DTNB: variants seen among roughly 807,000 people sequenced by gnomAD.
The protein encoded by DTNB is dystrobrevin beta, also known as DTN-B.
DTNB carries 63 observed loss-of-function variants against 90.7 expected under a neutral mutation model. The observed-to-expected ratio is 0.69, with a 90% confidence interval of 0.57 to 0.86. The LOEUF (loss-of-function observed/expected upper bound fraction) is 0.86. Ranked by LOEUF, DTNB falls within the 40% of genes least tolerant of loss-of-function variation. The probability of loss-of-function intolerance (pLI) is 0.00; values close to 1 mark genes in which losing one functional copy is unlikely to be tolerated. For synonymous variants in DTNB, 277 were observed against 286.7 expected, an observed-to-expected ratio of 0.97 and a Z score of 0.34; for missense variants, 744 against 807.1, an observed-to-expected ratio of 0.92 and a Z score of 0.95.
Position 25,484,202 on chromosome 2 carries a change from A to C in DTNB, c.1002-1329T>G, listed in dbSNP as rs546855477. On this transcript the variant is annotated intron_variant, in intron 9 of 20. Transcript: ENST00000406818. ...AACACAACACAAAATTGTCTAACAA[A>C]GCATTTCTCAGAATGCATCCCCCAT... 2.0e-5 allele frequency among the ~76,000 whole-genome samples: 3 copies of C among 152,370 alleles called. No individual in the cohort carries two copies. The South Asian group carries it at 6.2e-4, about 32-fold the overall frequency.
intron 5 of DTNB, among the ~76,000 whole-genome samples, chr2:25,603,298 G>A (rs950960595): frequency 1.3e-5 from 2 of 152,100 alleles, no homozygotes; most frequent in African/African-American, 4.8e-5. Context: ...TTGTTTCCTT[G>A]AGTTATATTT....
In DTNB at chr2:25,628,354, T is replaced by C; in HGVS notation, c.179A>G (p.Glu60Gly). Reference sequence around the variant, plus strand: ...ATTAAGGCCATTGTCTCGGAAGGCTTCAATCATGTTCCAGATATCAACAAG... The same window carrying C: ...ATTAAGGCCATTGTCTCGGAAGGCTCCAATCATGTTCCAGATATCAACAAG... ...LHLVDIWNMI[E>G]AFRDNGLNTL... Residue 60 changes from glutamate to glycine, a missense_variant, in exon 4 of 21, where the codon GAA (glutamate) becomes GGA (glycine). Coordinates refer to ENST00000406818, the MANE Select transcript of DTNB (RefSeq NM_021907.5). 6.2e-7 allele frequency: 1 copy of C among 1,613,442 alleles called. No individual in the cohort carries two copies. The highest frequency in any genetic ancestry group is 8.5e-7 in the Non-Finnish European group (1 of 1,179,754).
intron 5 of DTNB, among the ~76,000 whole-genome samples, chr2:25,603,396 A>C (rs2148477334): frequency 6.6e-6 from 1 of 152,332 alleles, no homozygotes; most frequent in African/African-American, 2.4e-5. Context: ...GAATCCTGAT[A>C]AAAGTTACCT....
intron 6 of DTNB, among the ~76,000 whole-genome samples, chr2:25,588,512 C>T (rs1356296020): frequency 6.6e-6 from 1 of 152,064 alleles, no homozygotes; most frequent in Non-Finnish European, 1.5e-5. Flanking sequence ...ACTACAGGCG[C>T]ACGCACCACG....
chr2:25,625,551 ATTTTTTT>A (rs66586812), intron 4 of DTNB, among the ~76,000 whole-genome samples: 2 of 73,946 alleles, frequency 2.7e-5, no homozygotes, highest in African/African-American at 1.1e-4. Flanking sequence ...TAACTCACTC[ATTTTTTT>A]TTTTTTTTTT....
intron 14 of DTNB, among the ~76,000 whole-genome samples, chr2:25,429,497 A>C (rs935518727): frequency 6.6e-6 from 1 of 152,096 alleles, no homozygotes; most frequent in Admixed American, 6.5e-5. Flanking sequence ...TTCATTCCGT[A>C]ATGTCTGACC....
chr2:25,496,884 T>C (rs1305635654), intron 9 of DTNB, among the ~76,000 whole-genome samples: 3 of 150,526 alleles, frequency 2.0e-5, no homozygotes, highest in East Asian at 3.9e-4. Flanking sequence ...GCCCATTTAA[T>C]AGAAACTCCC....
chr2:25,647,455 A>T (rs2079748792), intron 2 of DTNB, among the ~76,000 whole-genome samples: 1 of 152,270 alleles, frequency 6.6e-6, no homozygotes, highest in South Asian at 2.1e-4. Context: ...TACTCATGGA[A>T]TATTTGGAAA....
chr2:25,655,848 A>G (rs1434910289), intron 1 of DTNB, among the ~76,000 whole-genome samples: 1 of 152,136 alleles, frequency 6.6e-6, no homozygotes, highest in Non-Finnish European at 1.5e-5. Context: ...CACGCCTGTC[A>G]GGTAGATCTA....
chr2:25,431,924 C>T (rs187761827), intron 14 of DTNB, among the ~76,000 whole-genome samples: 3 of 152,150 alleles, frequency 2.0e-5, no homozygotes, highest in South Asian at 2.1e-4. Flanking sequence ...GAACGAAAAT[C>T]TCTATACATC....
chr2:25,553,741 CAA>C (rs1184090329), intron 8 of DTNB, among the ~76,000 whole-genome samples: 5 of 39,036 alleles, frequency 1.3e-4, no homozygotes, highest in East Asian at 1.4e-3. Context: ...AACTCCTTCT[CAA>C]AAAAAAAAAA....
intron 9 of DTNB, among the ~76,000 whole-genome samples, chr2:25,502,040 T>C (rs558684391): frequency 6.6e-6 from 1 of 151,994 alleles, no homozygotes; most frequent in Non-Finnish European, 1.5e-5. Flanking sequence ...AAAAATTAGC[T>C]GGGCATGGTG....
chr2:25,467,125 C>T (rs961547684), intron 10 of DTNB, among the ~76,000 whole-genome samples: 5 of 152,100 alleles, frequency 3.3e-5, no homozygotes, highest in African/African-American at 1.2e-4. Context: ...TTCATCTTCC[C>T]AATAATCAAG....
chr2:25,531,676 G>A (rs1369659490), intron 8 of DTNB, 79 bp from the exon 9 acceptor site: 2 of 1,520,736 alleles, frequency 1.3e-6, no homozygotes, highest in Non-Finnish European at 1.8e-6. Context: ...AAAACTTTGT[G>A]ACAAGAGTGT....
At position 25,552,468 on chromosome 2, in the gene DTNB, A is replaced by C. The variant is rs1366329909; in HGVS notation, c.877-20871T>G. ...ACCTCCATCACCATGCTACACTTCC[A>C]GCATTGCCCTGTCACTGGCCCTGGG... On this transcript the variant is annotated intron_variant, in intron 8 of 20. Transcript: ENST00000406818. Among the ~76,000 whole-genome samples, 4 of 152,186 alleles carry C rather than the reference A, an allele frequency of 2.6e-5. No individual in the cohort carries two copies. The East Asian group carries it at 7.7e-4, about 29-fold the overall frequency.
In DTNB at chr2:25,436,095, G is replaced by A. The variant is rs868315837; in HGVS notation, c.1258-2100C>T. ...GCTCACACTTGTAATCCAGCACTTC[G>A]GGAAGCCGAGGCAGGAGGATCATGA... On this transcript the variant is annotated intron_variant, in intron 12 of 20. Transcript: ENST00000406818. Among the ~76,000 whole-genome samples, 53 of 152,176 alleles carry A rather than the reference G, an allele frequency of 3.5e-4. 2 individuals carry two copies. The highest frequency in any genetic ancestry group is 1.8e-3 in the Admixed American group (27 of 15,278).
At chr2:25,600,142 C>G (rs2065559152) in intron 5 of DTNB, among the ~76,000 whole-genome samples, 1 of 152,126 alleles carries the variant, frequency 6.6e-6, no homozygotes, top group Admixed American at 6.5e-5. Flanking sequence ...GGAAAATAAT[C>G]GTTCATTGAA....
intron 5 of DTNB, among the ~76,000 whole-genome samples, chr2:25,601,921 A>C (rs969588350): frequency 1.3e-5 from 2 of 152,160 alleles, no homozygotes; most frequent in African/African-American, 4.8e-5. Context: ...CAGGAGTTCA[A>C]GACCAGCCTG....
intron 5 of DTNB, among the ~76,000 whole-genome samples, chr2:25,597,895 A>G (rs2064974240): frequency 6.6e-6 from 1 of 152,202 alleles, no homozygotes; most frequent in Admixed American, 6.5e-5. Flanking sequence ...ATTTGAGCTG[A>G]CAACAGAAAA....
Sources: gnomAD v4.1 joint callset for allele counts (sites outside exome capture counted in the v4.1 genomes callset) on GRCh38, gnomAD v4.1.1 for gene constraint, MANE v1.5 for transcripts, NCBI Gene and HGNC (gene_info 2026-07-23, HGNC 2026-07-21) for gene names.